NHSL1: variants seen among roughly 807,000 people sequenced by gnomAD.
NHSL1 encodes NHS like 1.
Under a neutral mutation model 95.0 loss-of-function variants are expected in NHSL1, and 48 were observed. That is an observed-to-expected ratio of 0.51 (90% CI 0.40 to 0.64). NHSL1 has a LOEUF of 0.64. Ranked by LOEUF, NHSL1 falls within the 30% of genes least tolerant of loss-of-function variation. The pLI is 0.00. For synonymous variants in NHSL1, 783 were observed against 833.9 expected, an observed-to-expected ratio of 0.94 and a Z score of 1.05; for missense variants, 1,971 against 2,077.7, an observed-to-expected ratio of 0.95 and a Z score of 1.00.
At chr6:138,462,469 C>T (rs1778062430) in intron 3 of NHSL1, among the ~76,000 whole-genome samples, 1 of 152,204 alleles carries the variant, frequency 6.6e-6, no homozygotes, top group Non-Finnish European at 1.5e-5. Context: ...GAGGGATGTT[C>T]CTCCACAGCC....
intron 3 of NHSL1, among the ~76,000 whole-genome samples, chr6:138,453,677 A>G (rs1777389129): frequency 1.3e-5 from 2 of 151,608 alleles, no homozygotes; most frequent in South Asian, 4.2e-4. Flanking sequence ...CTCCCGAGTA[A>G]CTAGGATGAC....
intron 1 of NHSL1, among the ~76,000 whole-genome samples, chr6:138,679,896 T>C (rs1359428723): frequency 6.6e-6 from 1 of 152,184 alleles, no homozygotes; most frequent in Non-Finnish European, 1.5e-5. Flanking sequence ...TAAAATGCTA[T>C]TGATTACTAT....
Position 138,686,158 on chromosome 6 carries a change from CAA to C in NHSL1, c.96+6316_96+6317del, listed in dbSNP as rs548325684. 2.7e-3 allele frequency among the ~76,000 whole-genome samples: 384 copies of C among 143,464 alleles called. 3 individuals carry two copies. Among genetic ancestry groups the C allele is most frequent in the African/African-American group, 9.4e-3 (368 of 39,138 alleles). The allele number at this position is 143,464 out of a possible 152,430, so 94.1% of individuals were successfully genotyped here. On this transcript the variant is annotated intron_variant, in intron 1 of 3. Transcript: ENST00000491526. ...ATTGCATACTTGTAAGTGTTCTTACCAAAAAAAAAAGAGTATGTGAGATAATG... is the reference window on the plus strand; with the variant it reads ...ATTGCATACTTGTAAGTGTTCTTACCAAAAAAAAGAGTATGTGAGATAATG...
At chr6:138,545,742 G>C (rs150842729), upstream of NHSL1, 44 of 1,238,266 alleles carry the variant, frequency 3.6e-5, 1 homozygote, top group South Asian at 5.5e-4. Context: ...CACTGCCAGA[G>C]AGCGGGGCGG....
chr6:138,573,577 T>C (rs1339588247), upstream of NHSL1, among the ~76,000 whole-genome samples: 3 of 152,234 alleles, frequency 2.0e-5, no homozygotes, highest in East Asian at 3.8e-4. Flanking sequence ...TTGTAGAAGA[T>C]AGTCAGAAGT....
chr6:138,681,362 AT>A (rs1342532031), intron 1 of NHSL1, among the ~76,000 whole-genome samples: 1 of 152,176 alleles, frequency 6.6e-6, no homozygotes, highest in African/African-American at 2.4e-5. Flanking sequence ...GTGTATGCAT[AT>A]TTTTTAACAA....
chr6:138,605,865 GT>G (rs1232941098), intron 1 of NHSL1, among the ~76,000 whole-genome samples: 1 of 152,220 alleles, frequency 6.6e-6, no homozygotes, highest in Admixed American at 6.5e-5. Flanking sequence ...AGGCAGAAGT[GT>G]GGTAATGTGG....
chr6:138,445,121 T>C (rs1188219787), intron 4 of NHSL1, among the ~76,000 whole-genome samples: 3 of 152,206 alleles, frequency 2.0e-5, no homozygotes, highest in Non-Finnish European at 4.4e-5. Flanking sequence ...GTGTAATTCA[T>C]TGCAAATAAT....
chr6:138,473,451 G>T lies in NHSL1; in HGVS notation c.212-18C>A. On this transcript the variant is annotated intron_variant, in intron 2 of 7. Transcript: ENST00000343505. The stretch of plus-strand genomic sequence containing the variant: ...ATCGCATTCTGCAGAGGGGCACGCA[G>T]GGAGGGGAAGGAGGCCATTAAAAAG... The T allele has an allele frequency of 7.1e-7, 1 of 1,400,588 alleles. No homozygotes were observed. The highest frequency in any genetic ancestry group is 1.7e-5 in the South Asian group (1 of 57,492). 86.8% of individuals were successfully genotyped at this position (1,400,588 alleles called of 1,614,324 possible).
chr6:138,624,509 C>T (rs886863470), intron 1 of NHSL1, among the ~76,000 whole-genome samples: 1 of 151,842 alleles, frequency 6.6e-6, no homozygotes, highest in Admixed American at 6.6e-5. Context: ...CACGTATACA[C>T]ACTATAAAAA....
At chr6:138,468,054 A>G (rs1778505340) in intron 3 of NHSL1, among the ~76,000 whole-genome samples, 1 of 151,752 alleles carries the variant, frequency 6.6e-6, no homozygotes, top group Non-Finnish European at 1.5e-5. Context: ...GGCTAGAAAA[A>G]TTTTTCTTTG....
chr6:138,662,120 T>C (rs1400717628), intron 1 of NHSL1, among the ~76,000 whole-genome samples: 1 of 150,008 alleles, frequency 6.7e-6, no homozygotes, highest in African/African-American at 2.5e-5. Flanking sequence ...GAAACAGATT[T>C]AATTCTAGAG....
chr6:138,433,450 C>T lies in NHSL1; in HGVS notation c.895G>A (p.Gly299Ser). ...AQMGHFSGSS[G>S]NMSVLSDSAG... ...GAATCGCTCAGCACAGACATGTTGC[C>T]AGAGGAACCTGAGAAGTGGCCCATC... The change falls in exon 6 of 8, where the codon GGC (glycine) becomes AGC (serine). Residue 299 changes from glycine (G) to serine (S), a missense_variant. Physicochemically the swap from Gly to Ser is moderately conservative, Grantham distance 56. Transcript: ENST00000343505. 6.4e-7 allele frequency: 1 copy of T among 1,552,280 alleles called. No homozygotes were observed. The highest frequency in any genetic ancestry group is 8.7e-7 in the Non-Finnish European group (1 of 1,147,122).
intron 1 of NHSL1, among the ~76,000 whole-genome samples, chr6:138,665,525 C>A (rs1041165683): frequency 6.6e-6 from 1 of 152,196 alleles, no homozygotes; most frequent in Admixed American, 6.5e-5. Flanking sequence ...ACCAGCAATG[C>A]CCAGCACACT....
At chr6:138,436,690 A>C (rs901991376) in intron 5 of NHSL1, among the ~76,000 whole-genome samples, 2 of 152,238 alleles carry the variant, frequency 1.3e-5, no homozygotes, top group African/African-American at 4.8e-5. Flanking sequence ...TAGGACTTTC[A>C]AAGCTACAAG....
intron 1 of NHSL1, among the ~76,000 whole-genome samples, chr6:138,636,075 A>G (rs953779980): frequency 8.0e-5 from 12 of 150,836 alleles, no homozygotes; most frequent in African/African-American, 2.9e-4. Flanking sequence ...GTGAGCTGAG[A>G]TAGTGCCACT....
Position 138,622,448 on chromosome 6 carries a change from T to C in NHSL1, c.96+70028A>G, listed in dbSNP as rs1478372072. Reference sequence around the variant, plus strand: ...GAACCCAGAGCCAAGATCGTACCACTGCACTCCAGCCTGGGTGACAGAGCA... The same window carrying C: ...GAACCCAGAGCCAAGATCGTACCACCGCACTCCAGCCTGGGTGACAGAGCA... On this transcript the variant is annotated intron_variant, in intron 1 of 3. Transcript: ENST00000491526. 2.0e-5 allele frequency among the ~76,000 whole-genome samples: 3 copies of C among 152,020 alleles called. No homozygotes were observed. The East Asian group carries it at 5.8e-4, about 29-fold the overall frequency.
At chr6:138,453,910 T>C (rs545691196) in intron 3 of NHSL1, among the ~76,000 whole-genome samples, 2 of 151,554 alleles carry the variant, frequency 1.3e-5, no homozygotes, top group South Asian at 4.1e-4. Context: ...AACTATCCCA[T>C]ATTAAGCGAT....
In NHSL1 at chr6:138,468,841, T is replaced by C. The variant is rs973951494; in HGVS notation, c.339+4465A>G. Reference sequence around the variant, plus strand: ...AGCATGTATCCCTGTCATTACACAATGCATGACTGTATTTGCTCTTAGTGC... The same window carrying C: ...AGCATGTATCCCTGTCATTACACAACGCATGACTGTATTTGCTCTTAGTGC... On this transcript the variant is annotated intron_variant, in intron 3 of 7. Coordinates refer to ENST00000343505, the MANE Select transcript of NHSL1 (RefSeq NM_001144060.2). 3.3e-5 allele frequency among the ~76,000 whole-genome samples: 5 copies of C among 152,204 alleles called. No homozygotes were observed. The South Asian group carries it at 1.0e-3, about 31-fold the overall frequency.
Sources: gnomAD v4.1 joint callset for allele counts (sites outside exome capture counted in the v4.1 genomes callset) on GRCh38, gnomAD v4.1.1 for gene constraint, MANE v1.5 for transcripts, NCBI Gene and HGNC (gene_info 2026-07-23, HGNC 2026-07-21) for gene names.